Variants in GAD2 observed in about 807,000 individuals in gnomAD.
The protein encoded by GAD2 is 65 kDa glutamic acid decarboxylase.
GAD2 carries 22 observed loss-of-function variants against 80.1 expected under a neutral mutation model. That is an observed-to-expected ratio of 0.27 (90% CI 0.20 to 0.39). The LOEUF is 0.39. Ranked by LOEUF, GAD2 falls within the 10% of genes least tolerant of loss-of-function variation. GAD2 has a pLI of 1.00. For synonymous variants in GAD2, 274 were observed against 256.9 expected (o/e 1.07, Z -0.64); for missense variants, 624 against 738.4 (o/e 0.85, Z 1.80).
At chr10:26,283,121 G>A (rs747328661) in intron 12 of GAD2, among the ~76,000 whole-genome samples, 2 of 152,242 alleles carry the variant, frequency 1.3e-5, no homozygotes, top group Non-Finnish European at 2.9e-5. Context: ...GAACTGATTA[G>A]ATGACTGCAT....
Position 26,301,486 on chromosome 10 carries a change from A to T in GAD2, c.*525A>T, listed in dbSNP as rs907851961. The T allele has an allele frequency of 2.4e-4, 36 of 152,258 alleles. No homozygotes were observed. The highest frequency in any genetic ancestry group is 8.4e-4 in the African/African-American group (35 of 41,590). 9.4% of individuals were successfully genotyped at this position (152,258 alleles called of 1,614,324 possible). A position where few individuals can be genotyped will look rare whatever the true frequency, so the allele number is the denominator to read the frequency against. ...AAGGAAAATATATATATTAAAAAAG[A>T]TATCCTATTTTGTAACATATAGATT... On this transcript the variant is annotated 3_prime_UTR_variant, in exon 16 of 16. Coordinates refer to ENST00000376261, the MANE Select transcript of GAD2 (RefSeq NM_001134366.2).
chr10:26,275,401 T>G (rs1845188507), intron 11 of GAD2, among the ~76,000 whole-genome samples: 1 of 152,238 alleles, frequency 6.6e-6, no homozygotes, highest in South Asian at 2.1e-4. Flanking sequence ...CACACGATTC[T>G]GTACCAAAGA....
chr10:26,273,749 G>A (rs371771470), intron 11 of GAD2, 49 bp downstream of exon 11: 18 of 1,486,570 alleles, frequency 1.2e-5, no homozygotes, highest in Non-Finnish European at 1.7e-5. Flanking sequence ...AAAGCTAACT[G>A]TGAAACACAA....
intron 10 of GAD2, among the ~76,000 whole-genome samples, chr10:26,272,645 C>A (rs1269656430): frequency 1.3e-5 from 2 of 152,184 alleles, no homozygotes; most frequent in African/African-American, 4.8e-5. Flanking sequence ...AGGTGGATTA[C>A]CTGAAGTCAG....
chr10:26,272,554 C>CAG (rs8190722), intron 10 of GAD2, among the ~76,000 whole-genome samples: 64,351 of 151,956 alleles, frequency 0.42, 17,395 homozygotes, highest in African/African-American at 0.78. Context: ...TTTGGAAAAT[C>CAG]ATAATTTTTC....
intron 11 of GAD2, among the ~76,000 whole-genome samples, chr10:26,274,975 T>C (rs1845181450): frequency 6.6e-6 from 1 of 152,204 alleles, no homozygotes; most frequent in Admixed American, 6.5e-5. Flanking sequence ...CCCATTTAGA[T>C]GCCAGTGGAT....
intron 15 of GAD2, among the ~76,000 whole-genome samples, chr10:26,295,508 GCACACACACACACA>G (rs61216190): frequency 1.7e-4 from 23 of 133,902 alleles, no homozygotes; most frequent in Admixed American, 9.7e-4. Flanking sequence ...TCATACGCAT[GCACACACACACACA>G]CACACACACA....
chr10:26,221,987 T>C (rs3893253), intron 4 of GAD2, among the ~76,000 whole-genome samples: 19,165 of 152,184 alleles, frequency 0.13, 4,009 homozygotes, highest in African/African-American at 0.44. Context: ...GGCCACAGGA[T>C]GGGAGCAAAT....
intron 12 of GAD2, among the ~76,000 whole-genome samples, chr10:26,282,129 G>T (rs1845279186): frequency 8.2e-6 from 1 of 121,838 alleles, no homozygotes; most frequent in Admixed American, 7.5e-5. Context: ...TTTTAGTAGA[G>T]ACAGGGTTTT....
chr10:26,250,867 G>GT (rs1283088498), intron 8 of GAD2, among the ~76,000 whole-genome samples: 10 of 142,236 alleles, frequency 7.0e-5, no homozygotes, highest in Middle Eastern at 3.7e-3. Context: ...AATTTGTTGG[G>GT]TTTTTTTTCC....
chr10:26,230,851 G>A (rs1403415513), intron 7 of GAD2, among the ~76,000 whole-genome samples: 1 of 152,046 alleles, frequency 6.6e-6, no homozygotes, highest in East Asian at 1.9e-4. Context: ...ACTTTGGGAG[G>A]CTGAGGCAGG....
chr10:26,225,821 A>T (rs938957187), intron 6 of GAD2, among the ~76,000 whole-genome samples: 19 of 152,236 alleles, frequency 1.2e-4, no homozygotes, highest in Non-Finnish European at 1.5e-5. Flanking sequence ...CCTTTTAAAA[A>T]GTCATTGAAC....
At chr10:26,289,793 CTTT>C (rs35001308) in intron 13 of GAD2, among the ~76,000 whole-genome samples, 9,822 of 135,902 alleles carry the variant, frequency 0.072, 367 homozygotes, top group Non-Finnish European at 0.1. Context: ...TCCCCCCCAC[CTTT>C]TTTTTTTTTT....
chr10:26,216,961 AAGG>A lies in GAD2; in HGVS notation c.76+80_76+82del. On this transcript the variant is annotated intron_variant, in intron 1 of 15. Transcript: ENST00000376261. This position sits in a 1 kb window ranked among gnomAD's most constrained non-coding sequence, Gnocchi z 4.7. ...GGTTTGCGGAACTACGGAGAAGACG[AAGG>A]AGGTTTTTCCACCTGCAACAGGAAA... 1 of 1,338,280 alleles carries A rather than the reference AAGG, an allele frequency of 7.5e-7. No individual in the cohort carries two copies. 82.9% of individuals were successfully genotyped at this position (1,338,280 alleles called of 1,614,324 possible). A position where few individuals can be genotyped will look rare whatever the true frequency, so the allele number is the denominator to read the frequency against.
At chr10:26,231,599 T>C (rs1844602319) in intron 7 of GAD2, among the ~76,000 whole-genome samples, 1 of 152,236 alleles carries the variant, frequency 6.6e-6, no homozygotes, top group African/African-American at 2.4e-5. Context: ...AGCCTAAAAT[T>C]ACTTAGTATT....
intron 8 of GAD2, among the ~76,000 whole-genome samples, chr10:26,249,490 G>A (rs1844853132): frequency 6.6e-6 from 1 of 152,220 alleles, no homozygotes; most frequent in South Asian, 2.1e-4. Flanking sequence ...TGGGTGAGGA[G>A]CCTGGAGTTG....
chr10:26,268,890 T>C (rs1044715430), intron 8 of GAD2, among the ~76,000 whole-genome samples: 2 of 152,158 alleles, frequency 1.3e-5, no homozygotes, highest in Non-Finnish European at 2.9e-5. Context: ...AATCGTTCTA[T>C]AGGGAACAAC....
intron 11 of GAD2, among the ~76,000 whole-genome samples, chr10:26,275,613 C>T (rs540526195): frequency 6.6e-6 from 1 of 152,218 alleles, no homozygotes; most frequent in Non-Finnish European, 1.5e-5. Flanking sequence ...ATACCCCTCT[C>T]TCACTGACTT....
At chr10:26,226,068 T>A (rs1018854983) in intron 6 of GAD2, among the ~76,000 whole-genome samples, 1 of 149,786 alleles carries the variant, frequency 6.7e-6, no homozygotes, top group Non-Finnish European at 1.5e-5. Flanking sequence ...ATCAAGAACA[T>A]GCTGGGCTCT....
Sources: allele counts gnomAD v4.1 joint callset (sites outside exome capture counted in the v4.1 genomes callset), GRCh38; gene constraint gnomAD v4.1.1; non-coding constraint Gnocchi (gnomAD v3.1); transcripts MANE v1.5; gene names NCBI Gene and HGNC (gene_info 2026-07-23, HGNC 2026-07-21).